The following SLC4A2 variants were observed in gnomAD, a reference collection of about 807,000 sequenced individuals.
The protein encoded by SLC4A2 is anion exchange protein 2.
A neutral mutation model predicts 115.0 loss-of-function variants in SLC4A2; 36 were observed. The ratio of observed to expected loss-of-function variants is 0.31; its 90% CI spans 0.24 to 0.41. SLC4A2 has a LOEUF of 0.41. Among genes scored for constraint, SLC4A2 ranks in the 10% least tolerant of loss-of-function variants. The pLI, the probability that SLC4A2 is intolerant of heterozygous loss-of-function variation, is 1.00. For synonymous variants in SLC4A2, 708 were observed against 708.3 expected (o/e 1.00, Z 0.01); for missense variants, 1,252 against 1,705.6 (o/e 0.73, Z 4.68).
chr7:151,074,151 G>A lies in SLC4A2; in HGVS notation c.2648G>A (p.Arg883Lys). 1 of 1,612,828 alleles carries A rather than the reference G, an allele frequency of 6.2e-7. No homozygotes were observed. The highest frequency in any genetic ancestry group is 8.5e-7 in the Non-Finnish European group (1 of 1,179,942). Reference protein sequence around the residue: ...GARPTLGPGNRSLAGQSGQGK... With the variant: ...GARPTLGPGNKSLAGQSGQGK... ...AGACCCACGCTGGGGCCGGGCAACA[G>A]GAGCTTGGCTGGGCAGTCTGGGCAG... The change falls in exon 17 of 23, where the codon AGG becomes AAG. Residue 883 changes from arginine (R) to lysine (K), a missense_variant. Physicochemically the swap from Arg to Lys is conservative, Grantham distance 26 (BLOSUM62 2). This residue lies in a region of SLC4A2 where 55 missense variants were observed against 48.6 expected (regional missense o/e 1.13). Coordinates refer to ENST00000413384, the MANE Select transcript of SLC4A2 (RefSeq NM_003040.4).
chr7:151,069,923 G>T, intron 8 of SLC4A2, 24 bp from the exon 9 acceptor site: 1 of 1,613,440 alleles, frequency 6.2e-7, no homozygotes, highest in South Asian at 1.1e-5. Flanking sequence ...GGGCTGAGGG[G>T]CCCTCTGTGC....
rs755151591 is a variant in SLC4A2, at chr7:151,070,558, G to A, written c.1551G>A (p.Thr517=). The change falls in exon 11 of 23, where the codon ACG becomes ACA. Residue 517 remains threonine, a synonymous_variant. Coordinates refer to ENST00000413384, the MANE Select transcript of SLC4A2 (RefSeq NM_003040.4). The part of the protein sequence containing the change: ...LEKIPENAEA[T]VVLVGCVEFL... Reference sequence around the variant, plus strand: ...AGATTCCTGAGAATGCCGAGGCCACGGTGGTCCTTGTGGGTATGTGGGGCA... The same window carrying A: ...AGATTCCTGAGAATGCCGAGGCCACAGTGGTCCTTGTGGGTATGTGGGGCA... 3.4e-5 allele frequency: 55 copies of A among 1,613,196 alleles called. No individual in the cohort carries two copies. In the Admixed American group the frequency reaches 6.2e-4, roughly 18 times the overall value.
chr7:151,069,824 G>A (rs1251010171), intron 8 of SLC4A2, 123 bp from the exon 9 acceptor site: 45 of 1,143,580 alleles, frequency 3.9e-5, no homozygotes, highest in Non-Finnish European at 5.8e-5. Context: ...CGTCCTTCAT[G>A]TGTAGGCTGG....
chr7:151,061,698 C>G (rs1488252520), intron 1 of SLC4A2: 2 of 452,006 alleles, frequency 4.4e-6, no homozygotes, highest in Non-Finnish European at 8.0e-6. Flanking sequence ...CCTCCTCCCT[C>G]TACTCAGCCT....
intron 10 of SLC4A2, 38 bp from the exon 11 acceptor site, chr7:151,070,419 G>C (rs113716223): frequency 1.2e-5 from 19 of 1,611,708 alleles, no homozygotes; most frequent in African/African-American, 9.3e-5. Context: ...CAGAGTGGGA[G>C]GGGCCTGGCT....
intron 16 of SLC4A2, 29 bp downstream of exon 16, chr7:151,072,165 C>T: frequency 6.3e-7 from 1 of 1,597,558 alleles, no homozygotes; most frequent in Middle Eastern, 1.7e-4. Flanking sequence ...AGAGCTGGGC[C>T]AGGAGGGCCG....
At chr7:151,063,726 C>G (rs1797133329) in intron 2 of SLC4A2, among the ~76,000 whole-genome samples, 1 of 150,810 alleles carries the variant, frequency 6.6e-6, no homozygotes, top group Non-Finnish European at 1.5e-5. Flanking sequence ...TATTTGTTTC[C>G]TTTTTTTTTG....
chr7:151,073,539 G>C (rs567181048), intron 16 of SLC4A2, among the ~76,000 whole-genome samples: 1 of 152,240 alleles, frequency 6.6e-6, no homozygotes, highest in South Asian at 2.1e-4. Context: ...AAAGTGCTAG[G>C]ATTACAGGCG....
At position 151,075,520 on chromosome 7, in the gene SLC4A2, C is replaced by G; in HGVS notation, c.3301+12C>G. Reference sequence around the variant, plus strand: ...TGCCCTGCTTGTGGGTACGTTGCCTCTTGCCTTTCCCTTCCCAGTGGATTC... The same window carrying G: ...TGCCCTGCTTGTGGGTACGTTGCCTGTTGCCTTTCCCTTCCCAGTGGATTC... On this transcript the variant is annotated intron_variant, in intron 20 of 22. Transcript: ENST00000413384. The G allele has an allele frequency of 6.3e-7, 1 of 1,596,092 alleles. No homozygotes were observed. Among genetic ancestry groups the G allele is most frequent in the Non-Finnish European group, 8.5e-7 (1 of 1,176,812 alleles).
chr7:151,066,423 A>T, intron 5 of SLC4A2, 94 bp from the exon 6 acceptor site: 1 of 1,394,498 alleles, frequency 7.2e-7, no homozygotes, highest in Non-Finnish European at 9.4e-7. Context: ...CTGGAGTCCG[A>T]TGTGGGTCCC....
At chr7:151,067,792 T>TCC in intron 7 of SLC4A2, 82 bp from the exon 8 acceptor site, 1 of 1,264,824 alleles carries the variant, frequency 7.9e-7, no homozygotes, top group Non-Finnish European at 1.1e-6. Flanking sequence ...CTTGGCTCCC[T>TCC]CTGACACCAC....
At position 151,061,915 on chromosome 7, in the gene SLC4A2, C is replaced by T; in HGVS notation, c.-63-10C>T. The T allele has an allele frequency of 7.1e-7, 1 of 1,405,010 alleles. No individual in the cohort carries two copies. Among genetic ancestry groups the T allele is most frequent in the East Asian group, 2.4e-5 (1 of 42,250 alleles). The allele number at this position is 1,405,010 out of a possible 1,614,324, so 87.0% of individuals were successfully genotyped here. On this transcript the variant is annotated splice_polypyrimidine_tract_variant and intron_variant, in intron 1 of 22. Coordinates refer to ENST00000413384, the MANE Select transcript of SLC4A2 (RefSeq NM_003040.4). ...GCTCTCGATGGTGATCAGGCCTCTC[C>T]CCCATCCAGGTTATGCCTCCGCCTC...
chr7:151,074,631 A>C, intron 18 of SLC4A2, 44 bp from the exon 19 acceptor site: 1 of 1,577,094 alleles, frequency 6.3e-7, no homozygotes, highest in Non-Finnish European at 8.6e-7. Flanking sequence ...CATGCCCTCC[A>C]CATTCACCTT....
In SLC4A2 at chr7:151,064,313, G is replaced by A. The variant is rs1209119628; in HGVS notation, c.163G>A (p.Gly55Arg). 2 of 1,611,926 alleles carry A rather than the reference G, an allele frequency of 1.2e-6. No individual in the cohort carries two copies. The highest frequency in any genetic ancestry group is 1.7e-6 in the Non-Finnish European group (2 of 1,179,746). The change falls in exon 3 of 23, where the codon GGG becomes AGG. Residue 55 changes from glycine (G) to arginine (R), a missense_variant. Physicochemically the swap from Gly to Arg is moderately radical, Grantham distance 125 (BLOSUM62 -2). Coordinates refer to ENST00000413384, the MANE Select transcript of SLC4A2 (RefSeq NM_003040.4). ...GTTTGAGGAGATCCTACAGGAGGCCGGGTCTCGTGGAGGGGAGGAGCCAGG... is the reference window on the plus strand; with the variant it reads ...GTTTGAGGAGATCCTACAGGAGGCCAGGTCTCGTGGAGGGGAGGAGCCAGG... The part of the protein sequence containing the change: ...ERFEEILQEA[G>R]SRGGEEPGRS...
At chr7:151,066,784 G>A (rs1797251079) in intron 6 of SLC4A2, 23 bp downstream of exon 6, 1 of 1,582,368 alleles carries the variant, frequency 6.3e-7, no homozygotes, top group Non-Finnish European at 8.6e-7. Flanking sequence ...CCTTGGCCAA[G>A]CCCGGCACTG....
chr7:151,072,814 A>G (rs905711029), intron 16 of SLC4A2, among the ~76,000 whole-genome samples: 5 of 151,910 alleles, frequency 3.3e-5, no homozygotes, highest in East Asian at 1.9e-4. Context: ...ACACGCCACC[A>G]TGCCCGGCTA....
In SLC4A2 at chr7:151,074,354, G is replaced by C. The variant is rs111283851; in HGVS notation, c.2791-45G>C. The stretch of plus-strand genomic sequence containing the variant: ...CAGGAAGGGGGGTGGCAGGAAGTCA[G>C]CGGCTGTGGTGGCAGGACTCTGAGC... On this transcript the variant is annotated intron_variant, in intron 17 of 22. Coordinates refer to ENST00000413384, the MANE Select transcript of SLC4A2 (RefSeq NM_003040.4). 2,034 of 1,611,792 alleles carry C rather than the reference G, an allele frequency of 1.3e-3. 25 individuals carry two copies. In the African/African-American group the frequency reaches 0.02, roughly 16 times the overall value.
intron 8 of SLC4A2, 151 bp downstream of exon 8, chr7:151,068,205 C>T: frequency 1.8e-6 from 1 of 547,974 alleles, no homozygotes; most frequent in Non-Finnish European, 2.9e-6. Flanking sequence ...CATTTTCGGC[C>T]AGCAGCTTCT....
In SLC4A2 at chr7:151,066,974, C is replaced by T. The variant is rs778361312; in HGVS notation, c.947C>T (p.Ala316Val). Residue 316 changes from alanine to valine, a missense_variant, in exon 7 of 23, where the codon GCC becomes GTC. Transcript: ENST00000413384. ...PGPTPRARPR[A>V]PHKPHEVFVE... ...CCCACACCTCGGGCCCGACCCCGGG[C>T]CCCCCACAAGCCCCATGAGGTACCA... 1.9e-5 allele frequency: 31 copies of T among 1,603,982 alleles called. No homozygotes were observed. The highest frequency in any genetic ancestry group is 2.4e-5 in the Non-Finnish European group (28 of 1,176,336).
Sources: allele counts gnomAD v4.1 joint callset (sites outside exome capture counted in the v4.1 genomes callset), GRCh38; gene constraint gnomAD v4.1.1; regional missense constraint gnomAD v4.1.1; transcripts MANE v1.5; gene names NCBI Gene and HGNC (gene_info 2026-07-23, HGNC 2026-07-21).